LPP: variants seen among roughly 807,000 people sequenced by gnomAD.
LPP encodes lipoma-preferred partner.
Under a neutral mutation model 60.4 loss-of-function variants are expected in LPP, and 38 were observed. That is an observed-to-expected ratio of 0.63 (90% CI 0.49 to 0.83). The LOEUF (loss-of-function observed/expected upper bound fraction) is 0.83. Ranked by LOEUF, LPP falls within the 40% of genes least tolerant of loss-of-function variation. LPP has a pLI of 0.00. For missense variants in LPP, 902 were observed against 783.6 expected (o/e 1.15, Z -1.80); for synonymous variants, 328 against 290.8 (o/e 1.13, Z -1.30).
At chr3:188,537,419 T>G (rs1333838474) in intron 6 of LPP, among the ~76,000 whole-genome samples, 1 of 152,220 alleles carries the variant, frequency 6.6e-6, no homozygotes, top group Admixed American at 6.5e-5. Flanking sequence ...TTGTGACTAA[T>G]TAACAGTGGC....
At chr3:188,249,695 A>C (rs1308845833) in intron 2 of LPP, among the ~76,000 whole-genome samples, 1 of 151,628 alleles carries the variant, frequency 6.6e-6, no homozygotes, top group Non-Finnish European at 1.5e-5. Context: ...TTTTAAACTT[A>C]TTTAAAAAGT....
intron 4 of LPP, among the ~76,000 whole-genome samples, chr3:188,483,066 G>A (rs1297617886): frequency 1.3e-5 from 2 of 152,162 alleles, no homozygotes; most frequent in South Asian, 2.1e-4. Flanking sequence ...TGTATGATTC[G>A]GTGGCAGTGT....
chr3:188,637,553 CA>C (rs978056063), intron 7 of LPP, among the ~76,000 whole-genome samples: 3 of 150,442 alleles, frequency 2.0e-5, no homozygotes, highest in South Asian at 2.1e-4. Context: ...AAAAACCCTT[CA>C]AAAAATTAAT....
At chr3:188,226,749 C>G (rs548051432) in intron 2 of LPP, among the ~76,000 whole-genome samples, 156 of 152,220 alleles carry the variant, frequency 1.0e-3, no homozygotes, top group African/African-American at 3.6e-3. Flanking sequence ...TTTTCCAAAA[C>G]AGAGATGATG....
At chr3:188,203,556 A>AAT (rs1365711574) in intron 1 of LPP, among the ~76,000 whole-genome samples, 2 of 98,474 alleles carry the variant, frequency 2.0e-5, no homozygotes, top group African/African-American at 4.1e-5. Context: ...TATATTTTTA[A>AAT]ATATATATAA....
At chr3:188,262,089 G>T (rs1029742683) in intron 2 of LPP, among the ~76,000 whole-genome samples, 1 of 152,100 alleles carries the variant, frequency 6.6e-6, no homozygotes, top group East Asian at 1.9e-4. Flanking sequence ...CATGGGATTC[G>T]GCTCTCTCCC....
chr3:188,759,437 G>C (rs1731410869), intron 8 of LPP: 1 of 152,310 alleles, frequency 6.6e-6, no homozygotes, highest in African/African-American at 2.4e-5. Flanking sequence ...GAATTTTGAT[G>C]TATTAAAGGA....
At chr3:188,580,529 A>G (rs955746471) in intron 6 of LPP, among the ~76,000 whole-genome samples, 29 of 152,190 alleles carry the variant, frequency 1.9e-4, no homozygotes, top group Admixed American at 1.8e-3. Context: ...TCCTTATGAA[A>G]ATTCACTGGT....
intron 9 of LPP, among the ~76,000 whole-genome samples, chr3:188,772,030 G>C (rs770054709): frequency 3.3e-5 from 5 of 152,172 alleles, no homozygotes; most frequent in Non-Finnish European, 7.3e-5. Flanking sequence ...CTTTTGCAAG[G>C]CTCCTGGGAC....
At chr3:188,681,188 G>A (rs113387455) in intron 7 of LPP, among the ~76,000 whole-genome samples, 17,714 of 151,986 alleles carry the variant, frequency 0.12, 1,325 homozygotes, top group Non-Finnish European at 0.16. Context: ...TAGGGATGGG[G>A]TTTCACCATG....
At chr3:188,805,173 T>A (rs1283270068) in intron 9 of LPP, among the ~76,000 whole-genome samples, 2 of 152,028 alleles carry the variant, frequency 1.3e-5, no homozygotes, top group East Asian at 3.8e-4. Flanking sequence ...GGTAATATAT[T>A]TGACTAGATT....
At chr3:188,339,681 A>G (rs1441704497) in intron 2 of LPP, among the ~76,000 whole-genome samples, 1 of 152,172 alleles carries the variant, frequency 6.6e-6, no homozygotes, top group Non-Finnish European at 1.5e-5. Flanking sequence ...AATTGCCCCC[A>G]TGATCGGATT....
chr3:188,218,599 C>T (rs1396049646), intron 1 of LPP, among the ~76,000 whole-genome samples: 1 of 152,160 alleles, frequency 6.6e-6, no homozygotes, highest in Non-Finnish European at 1.5e-5. Context: ...TTTGTTATTG[C>T]TCATTCAAGT....
chr3:188,741,268 T>A (rs1004224388), intron 8 of LPP, among the ~76,000 whole-genome samples: 1 of 151,976 alleles, frequency 6.6e-6, no homozygotes, highest in Non-Finnish European at 1.5e-5. Context: ...GATTCTGTAA[T>A]TTAAGTTTTA....
rs562577642 is a variant in LPP at position 188,395,980 on chromosome 3, C to T, written c.-9-10132C>T. ...ATAAATAAATTATAATGTCCAAACT[C>T]AATTCAAAAGCTCTAAGCTAATTTA... is the stretch of plus-strand genomic sequence containing the variant. On this transcript the variant is annotated intron_variant, in intron 3 of 11. Transcript: ENST00000617246. Among the ~76,000 whole-genome samples the T allele has an allele frequency of 2.0e-5, 3 of 152,050 alleles. No individual in the cohort carries two copies. In the South Asian group the frequency reaches 6.2e-4, roughly 32 times the overall value.
At chr3:188,828,361 T>C (rs1242583389) in intron 9 of LPP, among the ~76,000 whole-genome samples, 1 of 151,350 alleles carries the variant, frequency 6.6e-6, no homozygotes, top group Non-Finnish European at 1.5e-5. Context: ...TCCCAGCACT[T>C]TGGGAGGCCG....
chr3:188,357,397 C>A (rs7629708), intron 3 of LPP, among the ~76,000 whole-genome samples: 40,951 of 151,868 alleles, frequency 0.27, 6,142 homozygotes, highest in East Asian at 0.59. Flanking sequence ...AGAGTGGTTA[C>A]GTCTATAGTT....
At chr3:188,404,512 C>T (rs920216707) in intron 3 of LPP, among the ~76,000 whole-genome samples, 6 of 152,102 alleles carry the variant, frequency 3.9e-5, no homozygotes, top group East Asian at 1.9e-4. Context: ...CCAAAGTGCT[C>T]GGATTAGAGG....
At chr3:188,699,838 T>A (rs1308710442) in intron 7 of LPP, among the ~76,000 whole-genome samples, 1 of 152,084 alleles carries the variant, frequency 6.6e-6, no homozygotes, top group East Asian at 1.9e-4. Context: ...CTCCTTCCAT[T>A]TAAGCAGTGA....
Sources: gnomAD v4.1 joint callset for allele counts (sites outside exome capture counted in the v4.1 genomes callset) on GRCh38, gnomAD v4.1.1 for gene constraint, MANE v1.5 for transcripts, NCBI Gene and HGNC (gene_info 2026-07-23, HGNC 2026-07-21) for gene names.